The following PPP1R12B variants were observed in gnomAD, a reference collection of about 807,000 sequenced individuals.
The protein encoded by PPP1R12B is protein phosphatase 1 regulatory subunit 12B.
A neutral mutation model predicts 126.1 loss-of-function variants in PPP1R12B; 76 were observed. That is an observed-to-expected ratio of 0.60 (90% confidence interval 0.50 to 0.73). The LOEUF (loss-of-function observed/expected upper bound fraction) is 0.73, where lower values mean the gene tolerates loss of function less well. PPP1R12B is among the 30% of genes least tolerant of loss of function. PPP1R12B has a pLI of 0.00. For missense variants in PPP1R12B, 1,052 were observed against 1,205.1 expected, an observed-to-expected ratio of 0.87 and a Z score of 1.88; for synonymous variants, 356 against 434.7, an observed-to-expected ratio of 0.82 and a Z score of 2.25.
chr1:202,524,833 C>G (rs1683147143), intron 18 of PPP1R12B, among the ~76,000 whole-genome samples: 1 of 152,132 alleles, frequency 6.6e-6, no homozygotes. Flanking sequence ...TGTAAACATG[C>G]ATGTGCAAGT....
chr1:202,528,933 CTT>C (rs1343264941), intron 18 of PPP1R12B, among the ~76,000 whole-genome samples: 3 of 152,170 alleles, frequency 2.0e-5, no homozygotes, highest in Admixed American at 1.3e-4. Context: ...AGAACCAACT[CTT>C]AAATCTCTCC....
chr1:202,348,779 CG>C lies in PPP1R12B; in HGVS notation c.-71del. The stretch of plus-strand genomic sequence containing the variant: ...CCGGGCTGAAGCGCTCTGAGAGAGG[CG>C]GCAGCGGCAACTCGAGCCCCAACAG... On this transcript the variant is annotated 5_prime_UTR_variant, in exon 1 of 24. Coordinates refer to ENST00000608999, the MANE Select transcript of PPP1R12B (RefSeq NM_002481.4). 4 of 1,502,402 alleles carry C rather than the reference CG, an allele frequency of 2.7e-6. No homozygotes were observed. The highest frequency in any genetic ancestry group is 1.4e-5 in the South Asian group (1 of 73,832). The allele number at this position is 1,502,402 out of a possible 1,614,324, so 93.1% of individuals were successfully genotyped here.
At chr1:202,573,891 C>G (rs1475838752) in intron 23 of PPP1R12B, among the ~76,000 whole-genome samples, 1 of 152,116 alleles carries the variant, frequency 6.6e-6, no homozygotes, top group East Asian at 1.9e-4. Context: ...GAGTATGAGT[C>G]TGTTTATGAA....
At chr1:202,484,652 ATTTC>A (rs1234032576) in intron 13 of PPP1R12B, among the ~76,000 whole-genome samples, 1 of 152,048 alleles carries the variant, frequency 6.6e-6, no homozygotes, top group Non-Finnish European at 1.5e-5. Flanking sequence ...TCTCTTAAGT[ATTTC>A]TTGTAAGGCT....
chr1:202,462,335 C>T (rs966480000), intron 13 of PPP1R12B, among the ~76,000 whole-genome samples: 11 of 152,144 alleles, frequency 7.2e-5, no homozygotes, highest in Non-Finnish European at 4.4e-5. Context: ...TTGCTAAACA[C>T]GGCTGTTGCC....
rs564087203 is a variant in PPP1R12B at position 202,379,925 on chromosome 1, A to G, written c.291+30783A>G. ...TCTGGAGTACAGCACAGGAATCTGT[A>G]TTTTTACCAGGTATCCCAGAGATTC... On this transcript the variant is annotated intron_variant, in intron 1 of 23. Transcript: ENST00000608999. 3.0e-4 allele frequency among the ~76,000 whole-genome samples: 45 copies of G among 152,286 alleles called. 2 individuals carry two copies. In the South Asian group the frequency reaches 9.3e-3, roughly 32 times the overall value.
chr1:202,487,474 G>T (rs1305036694), intron 13 of PPP1R12B, among the ~76,000 whole-genome samples: 2 of 151,894 alleles, frequency 1.3e-5, no homozygotes, highest in Non-Finnish European at 2.9e-5. Context: ...ATTAAGTCAA[G>T]AAAAGAAATA....
chr1:202,375,610 A>G (rs1313756824), intron 1 of PPP1R12B, among the ~76,000 whole-genome samples: 4 of 152,152 alleles, frequency 2.6e-5, no homozygotes, highest in Admixed American at 1.3e-4. Flanking sequence ...GGTTCTCACT[A>G]TGTTGTGCAG....
chr1:202,438,446 G>T, intron 10 of PPP1R12B: 1 of 438,254 alleles, frequency 2.3e-6, no homozygotes. Flanking sequence ...CCTCCTGCCA[G>T]GGTCCCACCG....
intron 18 of PPP1R12B, among the ~76,000 whole-genome samples, chr1:202,504,588 G>A (rs1268017968): frequency 3.3e-5 from 5 of 152,164 alleles, no homozygotes; most frequent in Admixed American, 6.5e-5. Flanking sequence ...AGGCCCAGGA[G>A]ATTAAGTACC....
chr1:202,456,129 AGTG>A, intron 13 of PPP1R12B, among the ~76,000 whole-genome samples: 1 of 151,740 alleles, frequency 6.6e-6, no homozygotes, highest in Admixed American at 6.6e-5. Flanking sequence ...ATTAGCCAGG[AGTG>A]GTGATGCACG....
intron 18 of PPP1R12B, among the ~76,000 whole-genome samples, chr1:202,541,293 A>C (rs1388827805): frequency 6.6e-6 from 1 of 152,002 alleles, no homozygotes; most frequent in East Asian, 1.9e-4. Context: ...ATAAATTACC[A>C]TGTAGTGGAA....
chr1:202,567,720 C>T (rs2292489), intron 21 of PPP1R12B, 58 bp from the exon 22 acceptor site: 752,094 of 1,558,256 alleles, frequency 0.48, 189,104 homozygotes, highest in East Asian at 0.71. Context: ...CTAGACTGGG[C>T]GTTCTACTGG....
intron 1 of PPP1R12B, among the ~76,000 whole-genome samples, chr1:202,404,666 A>G (rs1025479914): frequency 1.3e-5 from 2 of 151,738 alleles, no homozygotes; most frequent in Admixed American, 6.6e-5. Context: ...CGCCTGGCTA[A>G]TTTTTTGTAT....
At chr1:202,349,689 A>G (rs1655586320) in intron 1 of PPP1R12B, among the ~76,000 whole-genome samples, 1 of 152,172 alleles carries the variant, frequency 6.6e-6, no homozygotes, top group African/African-American at 2.4e-5. Context: ...AGCTCCTAGA[A>G]CACGCTGGAC....
intron 1 of PPP1R12B, among the ~76,000 whole-genome samples, chr1:202,375,112 T>G (rs1660963999): frequency 6.6e-6 from 1 of 152,030 alleles, no homozygotes; most frequent in South Asian, 2.1e-4. Context: ...CCGGCTAATT[T>G]TTTGTATTTT....
In PPP1R12B at chr1:202,563,558, T is replaced by C. The variant is rs1558379251; in HGVS notation, c.2652+636T>C. On this transcript the variant is annotated intron_variant, in intron 20 of 23. Coordinates refer to ENST00000608999, the MANE Select transcript of PPP1R12B (RefSeq NM_002481.4). ...CCCCTGAGAATCATTTGGTAGACTG[T>C]TATTTTTAACAAACATGTGCTTCTA... is the stretch of plus-strand genomic sequence containing the variant. Among the ~76,000 whole-genome samples the C allele has an allele frequency of 4.0e-5, 6 of 151,810 alleles. No individual in the cohort carries two copies. In the South Asian group the frequency reaches 1.2e-3, roughly 32 times the overall value.
chr1:202,564,604 A>T, intron 21 of PPP1R12B, 57 bp downstream of exon 21: 2 of 1,398,146 alleles, frequency 1.4e-6, no homozygotes, highest in Admixed American at 3.5e-5. Flanking sequence ...AAGGAAGCAA[A>T]CTAGACTAGG....
rs796462386 is a variant in PPP1R12B, at chr1:202,454,109, A to T, written c.1850+4938A>T. On this transcript the variant is annotated intron_variant, in intron 13 of 23. Transcript: ENST00000608999. Reference sequence around the variant, plus strand: ...CATTAAGAGCATGATCCCAGAAAGGATGGGGGAAATCAGGTAGTTTATAAA... The same window carrying T: ...CATTAAGAGCATGATCCCAGAAAGGTTGGGGGAAATCAGGTAGTTTATAAA... 3.9e-5 allele frequency among the ~76,000 whole-genome samples: 6 copies of T among 152,326 alleles called. 1 individual carries two copies. Among genetic ancestry groups the T allele is most frequent in the African/African-American group, 1.4e-4 (6 of 41,574 alleles).
Sources: gnomAD v4.1 joint callset for allele counts (sites outside exome capture counted in the v4.1 genomes callset) on GRCh38, gnomAD v4.1.1 for gene constraint, MANE v1.5 for transcripts, NCBI Gene and HGNC (gene_info 2026-07-23, HGNC 2026-07-21) for gene names.